CAST: variants seen among roughly 807,000 people sequenced by gnomAD.
The protein encoded by CAST is calpastatin.
Under a neutral mutation model 119.6 loss-of-function variants are expected in CAST, and 76 were observed. That is an observed-to-expected ratio of 0.64 (90% CI 0.53 to 0.77). CAST has a LOEUF of 0.77. Ranked by LOEUF, CAST falls within the 30% of genes least tolerant of loss-of-function variation. The probability of loss-of-function intolerance (pLI) is 0.00; values close to 1 mark genes in which losing one functional copy is unlikely to be tolerated. For missense variants in CAST, 953 were observed against 946.5 expected (o/e 1.01, Z -0.09); for synonymous variants, 319 against 331.6 (o/e 0.96, Z 0.41).
At chr5:96,236,537 C>T in the CAST span, among the ~76,000 whole-genome samples, 1 of 152,102 alleles carries the variant, frequency 6.6e-6, no homozygotes, top group Non-Finnish European at 1.5e-5. Flanking sequence ...TAGGCACTTC[C>T]GTGAATCCCG....
the CAST span, among the ~76,000 whole-genome samples, chr5:96,340,352 C>A: frequency 1.3e-5 from 2 of 152,046 alleles, no homozygotes; most frequent in Non-Finnish European, 2.9e-5. Flanking sequence ...TGCCCTCAAC[C>A]CCCACTCTCC....
At chr5:96,508,278 G>T in the CAST span, among the ~76,000 whole-genome samples, 1 of 152,112 alleles carries the variant, frequency 6.6e-6, no homozygotes, top group Non-Finnish European at 1.5e-5. Context: ...CCTTCCCAGC[G>T]TGTGACTCAG....
chr5:96,044,539 GA>G, the CAST span, among the ~76,000 whole-genome samples: 4 of 152,240 alleles, frequency 2.6e-5, no homozygotes, highest in African/African-American at 9.6e-5. Context: ...ATAGAAGCCT[GA>G]ACAGACTAAG....
At position 96,662,435 on chromosome 5, in the gene CAST, G is replaced by C. The variant is rs964765462; in HGVS notation, c.13G>C (p.Gly5Arg). The stretch of plus-strand genomic sequence containing the variant: ...CAGCGGCCTCGCCATGTCCCAGCCC[G>C]GCCAGAAGCCCGCCGCCTCCCCGCG... MSQP[G>R]QKPAASPRPR... The change falls in exon 1 of 32, where the codon GGC becomes CGC. Residue 5 changes from glycine (G) to arginine (R), a missense_variant. Gly to Arg is a moderately radical substitution (Grantham distance 125). Transcript: ENST00000675179. 3.5e-6 allele frequency: 5 copies of C among 1,431,026 alleles called. No homozygotes were observed. The African/African-American group carries it at 7.5e-5, about 21-fold the overall frequency. 88.6% of individuals were successfully genotyped at this position (1,431,026 alleles called of 1,614,324 possible). A position where few individuals can be genotyped will look rare whatever the true frequency, so the allele number is the denominator to read the frequency against.
the CAST span, among the ~76,000 whole-genome samples, chr5:95,973,939 C>T: frequency 8.3e-3 from 1,254 of 151,982 alleles, 14 homozygotes; most frequent in African/African-American, 0.029. Context: ...AAAAAAGACC[C>T]GTGTACACTA....
the CAST span, among the ~76,000 whole-genome samples, chr5:95,989,976 C>G: frequency 1.3e-5 from 2 of 152,196 alleles, no homozygotes; most frequent in Non-Finnish European, 2.9e-5. Flanking sequence ...TTATTAGACC[C>G]TTAAATCTCA....
chr5:96,017,884 T>C, the CAST span, among the ~76,000 whole-genome samples: 3 of 152,184 alleles, frequency 2.0e-5, no homozygotes, highest in African/African-American at 7.2e-5. Context: ...CAAAAATTTA[T>C]ATTAAAATTT....
the CAST span, among the ~76,000 whole-genome samples, chr5:96,239,696 T>C: frequency 1.3e-5 from 2 of 152,124 alleles, no homozygotes; most frequent in Non-Finnish European, 2.9e-5. Context: ...ATCTGGAATA[T>C]GAATTATTAA....
At chr5:96,743,436 G>C (rs1418221931) in intron 16 of CAST, 1 of 626,754 alleles carries the variant, frequency 1.6e-6, no homozygotes, top group Non-Finnish European at 2.7e-6. Flanking sequence ...AGTGTTGTGG[G>C]GAGATGGAAA....
chr5:96,685,594 T>C (rs1751989616), intron 2 of CAST, among the ~76,000 whole-genome samples: 1 of 152,242 alleles, frequency 6.6e-6, no homozygotes, highest in African/African-American at 2.4e-5. Context: ...CAAGTATCAT[T>C]ATTACAGAAT....
chr5:96,107,699 G>T, the CAST span, among the ~76,000 whole-genome samples: 1 of 152,066 alleles, frequency 6.6e-6, no homozygotes, highest in African/African-American at 2.4e-5. Context: ...ACAATTATGT[G>T]TCTTGGAGTT....
rs753179845 is a variant in CAST at position 96,762,331 on chromosome 5, G to C, written c.1891G>C (p.Ala631Pro). 6.2e-7 allele frequency: 1 copy of C among 1,607,446 alleles called. No individual in the cohort carries two copies. The highest frequency in any genetic ancestry group is 8.5e-7 in the Non-Finnish European group (1 of 1,177,694). Residue 631 changes from alanine to proline, a missense_variant, in exon 25 of 32, where the codon GCT becomes CCT. Physicochemically the swap from Ala to Pro is conservative, Grantham distance 27. Coordinates refer to ENST00000675179, the MANE Select transcript of CAST (RefSeq NM_001750.7). ...CTCTGAAGTGGTTTCCCAAACCCCA[G>C]CTTCAACGACCCAAGCTGGAGCCCC... is the stretch of plus-strand genomic sequence containing the variant. ...AISEVVSQTP[A>P]STTQAGAPPR...
At chr5:96,741,223 A>T (rs748941971) in intron 13 of CAST, 43 bp from the exon 14 acceptor site, 1 of 1,034,624 alleles carries the variant, frequency 9.7e-7, no homozygotes, top group East Asian at 2.4e-5. Context: ...CTTCCACTTG[A>T]GTGCTTCCCG....
At chr5:96,449,704 C>G in the CAST span, among the ~76,000 whole-genome samples, 2 of 152,222 alleles carry the variant, frequency 1.3e-5, no homozygotes, top group African/African-American at 4.8e-5. Context: ...AATCTTCTCT[C>G]ACTATGTTCA....
At chr5:96,400,672 T>C in the CAST span, among the ~76,000 whole-genome samples, 4 of 152,254 alleles carry the variant, frequency 2.6e-5, no homozygotes, top group South Asian at 8.3e-4. Context: ...TGTAAACATG[T>C]ATTGCCTTTT....
chr5:96,326,057 C>T, the CAST span, among the ~76,000 whole-genome samples: 3 of 152,202 alleles, frequency 2.0e-5, no homozygotes, highest in African/African-American at 4.8e-5. Flanking sequence ...GTCATCCAAC[C>T]AAACCAAGAA....
At chr5:96,707,451 A>G (rs930882515) in intron 3 of CAST, among the ~76,000 whole-genome samples, 15 of 152,122 alleles carry the variant, frequency 9.9e-5, no homozygotes, top group African/African-American at 3.6e-4. Context: ...CAGTGGCACA[A>G]TCTCGGCTCA....
chr5:96,345,521 A>G, the CAST span, among the ~76,000 whole-genome samples: 1 of 152,210 alleles, frequency 6.6e-6, no homozygotes, highest in Admixed American at 6.5e-5. Flanking sequence ...ATGCTACAGT[A>G]TCTCTTAAGA....
chr5:96,313,325 G>A, the CAST span, among the ~76,000 whole-genome samples: 3 of 152,006 alleles, frequency 2.0e-5, no homozygotes, highest in African/African-American at 7.2e-5. Context: ...ATGACCCTTT[G>A]TAGGAGTCAA....
Sources: gnomAD v4.1 joint callset for allele counts (sites outside exome capture counted in the v4.1 genomes callset) on GRCh38, gnomAD v4.1.1 for gene constraint, MANE v1.5 for transcripts, NCBI Gene and HGNC (gene_info 2026-07-23, HGNC 2026-07-21) for gene names.